NSUN6: variants seen among roughly 807,000 people sequenced by gnomAD.
NSUN6 encodes tRNA (cytosine(72)-C(5))-methyltransferase NSUN6.
In NSUN6, 64 loss-of-function variants were observed where a neutral mutation model predicts 58.0. That is an observed-to-expected ratio of 1.10 (90% confidence interval 0.90 to 1.36). NSUN6 has a LOEUF of 1.36. Among genes scored for constraint, NSUN6 ranks in the 40% most tolerant of loss-of-function variants. NSUN6 has a pLI of 0.00. For missense variants in NSUN6, 701 were observed against 550.1 expected (o/e 1.27, Z -2.74); for synonymous variants, 231 against 193.9 (o/e 1.19, Z -1.59).
chr10:18,605,375 G>T (rs1251893017), intron 6 of NSUN6, among the ~76,000 whole-genome samples: 2 of 151,956 alleles, frequency 1.3e-5, no homozygotes, highest in Non-Finnish European at 2.9e-5. Flanking sequence ...TAATAAGTAA[G>T]TAAATAAAAA....
chr10:18,646,181 C>T (rs1324145492), intron 2 of NSUN6, among the ~76,000 whole-genome samples: 7 of 151,966 alleles, frequency 4.6e-5, no homozygotes, highest in Admixed American at 2.0e-4. Context: ...AGCAACAGAG[C>T]GAGACTCCAT....
chr10:18,548,085 C>T, intron 10 of NSUN6, 27 bp downstream of exon 10: 6 of 1,610,548 alleles, frequency 3.7e-6, no homozygotes, highest in Non-Finnish European at 5.1e-6. Context: ...TATCTTATTA[C>T]ACAGAGAAAA....
At chr10:18,630,761 C>T (rs566902135) in intron 3 of NSUN6, among the ~76,000 whole-genome samples, 5 of 152,280 alleles carry the variant, frequency 3.3e-5, no homozygotes, top group South Asian at 2.1e-4. Flanking sequence ...TGGCAATAAT[C>T]AATAGCTTAC....
chr10:18,562,992 G>A (rs1209501137), intron 8 of NSUN6, among the ~76,000 whole-genome samples: 21 of 150,574 alleles, frequency 1.4e-4, no homozygotes, highest in Non-Finnish European at 1.2e-4. Context: ...AGAATGGAAT[G>A]GAAAATGTAA....
intron 2 of NSUN6, among the ~76,000 whole-genome samples, chr10:18,643,613 G>C (rs1255978883): frequency 6.6e-6 from 1 of 152,152 alleles, no homozygotes; most frequent in Non-Finnish European, 1.5e-5. Context: ...AAAGGGTCTA[G>C]TTATCCAACA....
intron 8 of NSUN6, among the ~76,000 whole-genome samples, chr10:18,570,327 C>A (rs2056270378): frequency 6.6e-6 from 1 of 151,546 alleles, no homozygotes; most frequent in Non-Finnish European, 1.5e-5. Context: ...TCATTTCATT[C>A]TATTCCATGC....
intron 3 of NSUN6, among the ~76,000 whole-genome samples, chr10:18,622,438 G>A (rs1219702922): frequency 2.0e-5 from 3 of 152,188 alleles, no homozygotes; most frequent in Non-Finnish European, 4.4e-5. Context: ...AATCAGCTGC[G>A]CACAGTGGCT....
chr10:18,599,570 T>C (rs953452930), intron 6 of NSUN6, among the ~76,000 whole-genome samples: 10 of 152,158 alleles, frequency 6.6e-5, no homozygotes, highest in African/African-American at 1.9e-4. Context: ...GTGATTCTAG[T>C]GGGCATGGAG....
At chr10:18,589,111 T>C (rs535983302) in intron 7 of NSUN6, among the ~76,000 whole-genome samples, 3 of 152,300 alleles carry the variant, frequency 2.0e-5, no homozygotes, top group Non-Finnish European at 4.4e-5. Context: ...GCATGAGAAC[T>C]TCTTGAAGCA....
chr10:18,602,912 G>T (rs2057903278), intron 6 of NSUN6, among the ~76,000 whole-genome samples: 1 of 152,146 alleles, frequency 6.6e-6, no homozygotes, highest in South Asian at 2.1e-4. Context: ...TATTTATGAG[G>T]CTTATCAAGC....
upstream of NSUN6, among the ~76,000 whole-genome samples, chr10:18,655,743 T>C (rs2059770053): frequency 6.8e-6 from 1 of 146,644 alleles, no homozygotes; most frequent in Admixed American, 7.0e-5. Flanking sequence ...CTACTATAAA[T>C]GGGTAATTTA....
upstream of NSUN6, chr10:18,651,865 A>T: frequency 2.0e-6 from 2 of 985,466 alleles, no homozygotes; most frequent in Non-Finnish European, 2.4e-6. Context: ...GCAATGGGGA[A>T]ACAGCCAAAT....
chr10:18,645,969 C>A (rs1047775286), intron 2 of NSUN6, among the ~76,000 whole-genome samples: 1 of 152,128 alleles, frequency 6.6e-6, no homozygotes, highest in African/African-American at 2.4e-5. Context: ...CCAAGGCACG[C>A]AGATCACTTG....
At chr10:18,625,582 G>A (rs543361803) in intron 3 of NSUN6, among the ~76,000 whole-genome samples, 1 of 151,894 alleles carries the variant, frequency 6.6e-6, no homozygotes, top group African/African-American at 2.4e-5. Flanking sequence ...GTATGGTGGT[G>A]GGCACCTGTA....
intron 3 of NSUN6, among the ~76,000 whole-genome samples, chr10:18,635,765 G>T (rs1023764825): frequency 6.6e-6 from 1 of 151,800 alleles, no homozygotes; most frequent in Middle Eastern, 3.4e-3. Flanking sequence ...TTGAACCCGG[G>T]AGGCAGGGGT....
chr10:18,576,047 G>A (rs1160202111), intron 8 of NSUN6, among the ~76,000 whole-genome samples: 1 of 152,030 alleles, frequency 6.6e-6, no homozygotes, highest in Non-Finnish European at 1.5e-5. Flanking sequence ...GAGAGAGGAT[G>A]GACTCATCAC....
chr10:18,557,572 GGAAT>G lies in NSUN6; in HGVS notation c.923-5605_923-5602del, dbSNP rs1163102651. On this transcript the variant is annotated intron_variant, in intron 8 of 10. Transcript: ENST00000377304. ...TGGTATGGAGAATGGAATGGACAGT[GGAAT>G]GAATGGAATGGAGAATGGAATGGAA... 7.7e-4 allele frequency among the ~76,000 whole-genome samples: 115 copies of G among 149,798 alleles called. 4 individuals are homozygous for G. Among genetic ancestry groups the G allele is most frequent in the Non-Finnish European group, 1.3e-4 (9 of 67,290 alleles).
At chr10:18,635,229 G>C (rs1397499559) in intron 3 of NSUN6, among the ~76,000 whole-genome samples, 2 of 152,180 alleles carry the variant, frequency 1.3e-5, no homozygotes, top group East Asian at 3.9e-4. Flanking sequence ...ACCTCACTGA[G>C]ACAGCCTGTG....
At chr10:18,624,391 A>G (rs2058713048) in intron 3 of NSUN6, among the ~76,000 whole-genome samples, 2 of 151,784 alleles carry the variant, frequency 1.3e-5, no homozygotes, top group African/African-American at 4.8e-5. Flanking sequence ...CTAACAACAA[A>G]TGGGCTGGGT....
Sources: allele counts gnomAD v4.1 joint callset (sites outside exome capture counted in the v4.1 genomes callset), GRCh38; gene constraint gnomAD v4.1.1; transcripts MANE v1.5; gene names NCBI Gene and HGNC (gene_info 2026-07-23, HGNC 2026-07-21).